The following WWC2 variants were observed in gnomAD, a reference collection of about 807,000 sequenced individuals.
WWC2 encodes WW and C2 domain containing 2, also known as protein WWC2.
WWC2 carries 101 observed loss-of-function variants against 138.5 expected under a neutral mutation model. That is an observed-to-expected ratio of 0.73 (90% confidence interval 0.62 to 0.86). WWC2 has a LOEUF of 0.86. Ranked by LOEUF, WWC2 falls within the 40% of genes least tolerant of loss-of-function variation. The probability of loss-of-function intolerance (pLI) is 0.00; values close to 1 mark genes in which losing one functional copy is unlikely to be tolerated. For missense variants in WWC2, 1,420 were observed against 1,419.4 expected (o/e 1.00, Z -0.01); for synonymous variants, 558 against 538.4 (o/e 1.04, Z -0.50).
chr4:183,195,265 A>G (rs1735105252), intron 2 of WWC2, among the ~76,000 whole-genome samples: 1 of 152,242 alleles, frequency 6.6e-6, no homozygotes, highest in African/African-American at 2.4e-5. Flanking sequence ...TTTTAGATGA[A>G]TAATTGTGTA....
chr4:183,216,138 A>G (rs1338318213), intron 4 of WWC2, among the ~76,000 whole-genome samples: 2 of 152,218 alleles, frequency 1.3e-5, no homozygotes, highest in African/African-American at 2.4e-5. Flanking sequence ...TTCACACTGA[A>G]TTTTGAAACA....
intron 18 of WWC2, among the ~76,000 whole-genome samples, chr4:183,283,563 C>T (rs1738148596): frequency 6.6e-6 from 1 of 152,206 alleles, no homozygotes; most frequent in Non-Finnish European, 1.5e-5. Flanking sequence ...AAACTTTCAT[C>T]AAGAGGCAGG....
intron 1 of WWC2, among the ~76,000 whole-genome samples, chr4:183,103,483 C>T (rs771785258): frequency 4.6e-5 from 7 of 151,724 alleles, no homozygotes; most frequent in Non-Finnish European, 8.8e-5. Flanking sequence ...CCTGCCACCA[C>T]GCCCGGCTAA....
intron 4 of WWC2, among the ~76,000 whole-genome samples, chr4:183,236,895 A>G (rs992852880): frequency 3.3e-5 from 5 of 152,124 alleles, no homozygotes; most frequent in Non-Finnish European, 5.9e-5. Flanking sequence ...AACATGGTCT[A>G]TCTTACCTTT....
chr4:183,143,789 C>T (rs1219607227), intron 1 of WWC2, among the ~76,000 whole-genome samples: 1 of 151,328 alleles, frequency 6.6e-6, no homozygotes, highest in African/African-American at 2.4e-5. Flanking sequence ...GCCTGGGCAA[C>T]AGAGATAGAC....
At chr4:183,103,777 A>G (rs1743262621) in intron 1 of WWC2, among the ~76,000 whole-genome samples, 1 of 149,478 alleles carries the variant, frequency 6.7e-6, no homozygotes, top group African/African-American at 2.5e-5. Flanking sequence ...AGCTGGGATT[A>G]CAGGCACCAC....
At chr4:183,280,394 C>A (rs928191283) in intron 16 of WWC2, among the ~76,000 whole-genome samples, 1 of 151,972 alleles carries the variant, frequency 6.6e-6, no homozygotes, top group Non-Finnish European at 1.5e-5. Context: ...CCTTGGTAGT[C>A]CTGAACTCAA....
chr4:183,165,738 C>T (rs1734112968), intron 1 of WWC2, among the ~76,000 whole-genome samples: 2 of 152,168 alleles, frequency 1.3e-5, no homozygotes, highest in African/African-American at 2.4e-5. Flanking sequence ...ACCTTAAAAA[C>T]TGGCACCAAA....
Position 183,099,470 on chromosome 4 carries a change from C to A in WWC2, c.-22C>A. The A allele has an allele frequency of 7.8e-7, 1 of 1,282,422 alleles. No homozygotes were observed. The highest frequency in any genetic ancestry group is 9.9e-7 in the Non-Finnish European group (1 of 1,005,236). The allele number at this position is 1,282,422 out of a possible 1,614,324, so 79.4% of individuals were successfully genotyped here. ...GCGCCCGGTACCTATGGAGGCGCCG[C>A]TCGCCGGCGAGGCCGCCGACCATGC... On this transcript the variant is annotated 5_prime_UTR_variant, in exon 1 of 23. Transcript: ENST00000403733.
rs1356839819 is a variant in WWC2 at position 183,184,846 on chromosome 4, ATG to A, written c.132-8751_132-8750del. On this transcript the variant is annotated intron_variant, in intron 1 of 22. Transcript: ENST00000403733. ...GTTAAGTATCCTTTGAAGAAAGGAAATGTTTACTTAAAATTAAATGAAGTGTC... is the reference window on the plus strand; with the variant it reads ...GTTAAGTATCCTTTGAAGAAAGGAAATTTACTTAAAATTAAATGAAGTGTC... 2.0e-5 allele frequency among the ~76,000 whole-genome samples: 3 copies of A among 152,252 alleles called. No individual in the cohort carries two copies. In the East Asian group the frequency reaches 5.8e-4, roughly 29 times the overall value.
In WWC2 at chr4:183,285,949, TAA is replaced by T; in HGVS notation, c.3049-16_3049-15del. The T allele has an allele frequency of 6.4e-7, 1 of 1,563,144 alleles. No homozygotes were observed. The highest frequency in any genetic ancestry group is 1.9e-5 in the Admixed American group (1 of 52,526). On this transcript the variant is annotated splice_polypyrimidine_tract_variant and intron_variant, in intron 19 of 22. Transcript: ENST00000403733. ...GTTTGATATGCAGTGATTTTTTTTTTAAATCTTTTGTTGCCAGTTAAATCGGA... is the reference window on the plus strand; with the variant it reads ...GTTTGATATGCAGTGATTTTTTTTTTATCTTTTGTTGCCAGTTAAATCGGA...
Position 183,261,424 on chromosome 4 carries a change from G to A in WWC2, c.1801G>A (p.Glu601Lys), listed in dbSNP as rs1285127691. Residue 601 changes from glutamate to lysine, a missense_variant, in exon 11 of 23, where the codon GAA (glutamate) becomes AAA (lysine). Glu to Lys is a moderately conservative substitution (Grantham distance 56, BLOSUM62 1). Coordinates refer to ENST00000403733, the MANE Select transcript of WWC2 (RefSeq NM_024949.6). ...CCATTTTGCAGATATCAGCCTCATC[G>A]AAAATCAGATTTTGCTGGATTCTGA... ...SSHFADISLIENQILLDSDSG... is the reference protein window; with the variant it reads ...SSHFADISLIKNQILLDSDSG... The A allele has an allele frequency of 8.7e-6, 14 of 1,612,246 alleles. 1 individual carries two copies. The highest frequency in any genetic ancestry group is 7.7e-5 in the South Asian group (7 of 90,634).
At chr4:183,147,233 T>C (rs1733487774) in intron 1 of WWC2, among the ~76,000 whole-genome samples, 1 of 152,216 alleles carries the variant, frequency 6.6e-6, no homozygotes, top group Admixed American at 6.5e-5. Flanking sequence ...CTTATATATA[T>C]GTATAGCATC....
chr4:183,145,433 G>A (rs190288292), intron 1 of WWC2, among the ~76,000 whole-genome samples: 451 of 152,250 alleles, frequency 3.0e-3, no homozygotes, highest in Middle Eastern at 0.014. Context: ...TTAAAATAAT[G>A]TTTGTTTGCT....
intron 14 of WWC2, among the ~76,000 whole-genome samples, chr4:183,268,128 C>T (rs1213435014): frequency 3.3e-5 from 5 of 152,108 alleles, no homozygotes; most frequent in African/African-American, 9.7e-5. Context: ...CTCAGTTCTG[C>T]ATTTGAATTA....
At chr4:183,166,390 T>G (rs1734130417) in intron 1 of WWC2, among the ~76,000 whole-genome samples, 1 of 152,202 alleles carries the variant, frequency 6.6e-6, no homozygotes, top group Admixed American at 6.5e-5. Flanking sequence ...GCAGAATGTC[T>G]CGATTTCAGA....
chr4:183,209,724 A>G (rs1356286096), intron 4 of WWC2, among the ~76,000 whole-genome samples: 9 of 152,314 alleles, frequency 5.9e-5, no homozygotes, highest in African/African-American at 1.7e-4. Flanking sequence ...GGTGCTCATA[A>G]TGCCTCATGG....
chr4:183,245,244 A>AG (rs1736736235), intron 5 of WWC2, among the ~76,000 whole-genome samples, 172 bp from the exon 6 acceptor site: 2 of 148,694 alleles, frequency 1.3e-5, no homozygotes, highest in African/African-American at 5.2e-5. Flanking sequence ...AAAAAAAAAA[A>AG]AAAAAGAGAG....
rs1409548186 is a variant in WWC2, at chr4:183,317,571, T to A, written c.*1842T>A. On this transcript the variant is annotated 3_prime_UTR_variant, in exon 23 of 23. Transcript: ENST00000403733. ...GTAGAGGTAAATGAAGGTGAGCTGT[T>A]TTCAGCATCTTAGTTTGACCATGAA... 6.6e-6 allele frequency: 1 copy of A among 152,642 alleles called. No homozygotes were observed. Among genetic ancestry groups the A allele is most frequent in the African/African-American group, 2.4e-5 (1 of 41,458 alleles). The allele number at this position is 152,642 out of a possible 1,614,324, so 9.5% of individuals were successfully genotyped here.
Sources: gnomAD v4.1 joint callset for allele counts (sites outside exome capture counted in the v4.1 genomes callset) on GRCh38, gnomAD v4.1.1 for gene constraint, MANE v1.5 for transcripts, NCBI Gene and HGNC (gene_info 2026-07-23, HGNC 2026-07-21) for gene names.